Variants in PEX13 observed in about 807,000 individuals in gnomAD.
The protein encoded by PEX13 is peroxisomal biogenesis factor 13, also known as peroxisome biogenesis factor 13.
Under a neutral mutation model 34.5 loss-of-function variants are expected in PEX13, and 28 were observed. The observed-to-expected ratio is 0.81, with a 90% CI of 0.60 to 1.11. PEX13 has a LOEUF of 1.11. Ranked by LOEUF, PEX13 falls within the 50% of genes most tolerant of loss-of-function variation. PEX13 has a pLI of 0.00. For missense variants in PEX13, 550 were observed against 491.0 expected, an observed-to-expected ratio of 1.12 and a Z score of -1.13; for synonymous variants, 177 against 175.1, an observed-to-expected ratio of 1.01 and a Z score of -0.09.
Position 61,017,858 on chromosome 2 carries a change from G to T in PEX13, c.92+7G>T, listed in dbSNP as rs1367010348. 6.5e-6 allele frequency: 10 copies of T among 1,550,214 alleles called. No individual in the cohort carries two copies. The highest frequency in any genetic ancestry group is 7.8e-6 in the Non-Finnish European group (9 of 1,146,648). The stretch of plus-strand genomic sequence containing the variant: ...GACCGGGCCCCACTTTCCAGTGAGT[G>T]TGGGATTCTTCAGGCTGTGAGTTTA... On this transcript the variant is annotated splice_region_variant and intron_variant, in intron 1 of 3. Coordinates refer to ENST00000295030, the MANE Select transcript of PEX13 (RefSeq NM_002618.4).
At chr2:61,029,157 AG>A (rs1680408584) in intron 1 of PEX13, among the ~76,000 whole-genome samples, 1 of 145,104 alleles carries the variant, frequency 6.9e-6, no homozygotes, top group African/African-American at 2.6e-5. Context: ...AAAAAAAAAG[AG>A]GGCGAACTTA....
chr2:61,028,138 C>T (rs1400672760), intron 1 of PEX13, among the ~76,000 whole-genome samples: 1 of 152,142 alleles, frequency 6.6e-6, no homozygotes, highest in Non-Finnish European at 1.5e-5. Context: ...GGGAAAGATA[C>T]ATTTTAATGG....
intron 3 of PEX13, among the ~76,000 whole-genome samples, chr2:61,046,878 A>G (rs1225048329): frequency 6.6e-6 from 1 of 152,170 alleles, no homozygotes; most frequent in Non-Finnish European, 1.5e-5. Context: ...TATGTAAATA[A>G]TTGAAAATTT....
intron 2 of PEX13, among the ~76,000 whole-genome samples, chr2:61,041,109 G>A (rs1680619793): frequency 6.6e-6 from 1 of 152,028 alleles, no homozygotes; most frequent in South Asian, 2.1e-4. Context: ...CTGGCAAATC[G>A]CTTGAGCCCA....
At chr2:61,032,962 C>G (rs904449469) in intron 2 of PEX13, among the ~76,000 whole-genome samples, 38 of 152,102 alleles carry the variant, frequency 2.5e-4, no homozygotes, top group Admixed American at 5.2e-4. Flanking sequence ...AGGTTGAAAG[C>G]TAATAGTAGA....
intron 2 of PEX13, among the ~76,000 whole-genome samples, chr2:61,044,676 A>G (rs1178538925): frequency 6.6e-6 from 1 of 152,206 alleles, no homozygotes; most frequent in Non-Finnish European, 1.5e-5. Context: ...GTGAACCACC[A>G]CGCCTGACCT....
At chr2:61,036,769 A>T (rs1356152564) in intron 2 of PEX13, among the ~76,000 whole-genome samples, 1 of 152,224 alleles carries the variant, frequency 6.6e-6, no homozygotes, top group Non-Finnish European at 1.5e-5. Context: ...GATCAGATTC[A>T]CACATAACAA....
At chr2:61,021,130 T>G (rs1680252368) in intron 1 of PEX13, among the ~76,000 whole-genome samples, 1 of 152,194 alleles carries the variant, frequency 6.6e-6, no homozygotes, top group Non-Finnish European at 1.5e-5. Flanking sequence ...TTTCTGTGTT[T>G]CCAACTGAGG....
At position 61,048,833 on chromosome 2, in the gene PEX13, C is replaced by A. The variant is rs962163892; in HGVS notation, c.*63C>A. 7 of 1,292,680 alleles carry A rather than the reference C, an allele frequency of 5.4e-6. No homozygotes were observed. The African/African-American group carries it at 8.8e-5, about 16-fold the overall frequency. The allele number at this position is 1,292,680 out of a possible 1,614,324, so 80.1% of individuals were successfully genotyped here. A position where few individuals can be genotyped will look rare whatever the true frequency, so the allele number is the denominator to read the frequency against. ...GAGTACTTTTTAAAATTATTTCTCA[C>A]AAAGAAATGAATGTACAATCCAATG... On this transcript the variant is annotated 3_prime_UTR_variant, in exon 4 of 4. Transcript: ENST00000295030.
intron 2 of PEX13, among the ~76,000 whole-genome samples, chr2:61,041,967 G>A (rs982942465): frequency 6.6e-6 from 1 of 152,190 alleles, no homozygotes; most frequent in Non-Finnish European, 1.5e-5. Flanking sequence ...AGATTTTTGA[G>A]GAGAAGCAAA....
rs1215274886 is a variant in PEX13, at chr2:61,051,809, CATTTT to C, written c.*3042_*3046del. On this transcript the variant is annotated 3_prime_UTR_variant, in exon 4 of 4. Transcript: ENST00000295030. The stretch of plus-strand genomic sequence containing the variant: ...AGAACTATACATTTTCATGTTTTAA[CATTTT>C]ATGTACGTACTTGATTCTGTCTGTG... 1 of 152,272 alleles carries C rather than the reference CATTTT, an allele frequency of 6.6e-6. No individual in the cohort carries two copies. The highest frequency in any genetic ancestry group is 1.5e-5 in the Non-Finnish European group (1 of 68,022). 9.4% of individuals were successfully genotyped at this position (152,272 alleles called of 1,614,324 possible).
At position 61,045,847 on chromosome 2, in the gene PEX13, C is replaced by G; in HGVS notation, c.909C>G (p.Leu303=). ...CTGGTGATATGCTGAACTTAGCTCT[C>G]AAAGGTAATAAATTATGAATAAGTT... ...FRAGDMLNLA[L]KEQQPKVRGW... Residue 303 remains leucine (L), a synonymous_variant, in exon 3 of 4, where the codon CTC becomes CTG. Coordinates refer to ENST00000295030, the MANE Select transcript of PEX13 (RefSeq NM_002618.4). The G allele has an allele frequency of 6.2e-7, 1 of 1,611,222 alleles. No homozygotes were observed. Among genetic ancestry groups the G allele is most frequent in the Non-Finnish European group, 8.5e-7 (1 of 1,177,642 alleles).
At position 61,026,462 on chromosome 2, in the gene PEX13, C is replaced by T. The variant is rs1052969370; in HGVS notation, c.93-4957C>T. Among the ~76,000 whole-genome samples, 10 of 151,740 alleles carry T rather than the reference C, an allele frequency of 6.6e-5. 1 individual carries two copies. The highest frequency in any genetic ancestry group is 4.4e-5 in the Non-Finnish European group (3 of 67,946). ...TTCCCAGGTTCAAGCAATTCTCTGC[C>T]TCAGCCACCCGAGGAGCTGAGATTA... On this transcript the variant is annotated intron_variant, in intron 1 of 3. Coordinates refer to ENST00000295030, the MANE Select transcript of PEX13 (RefSeq NM_002618.4).
Position 61,018,063 on chromosome 2 carries a change from A to G in PEX13, c.92+212A>G, listed in dbSNP as rs57007118. The G allele has an allele frequency of 0.012, 18,522 of 1,497,710 alleles. 2,042 individuals carry two copies. The African/African-American group carries it at 0.23, about 19-fold the overall frequency. 92.8% of individuals were successfully genotyped at this position (1,497,710 alleles called of 1,614,324 possible). Reference sequence around the variant, plus strand: ...TCTGACCCGGCAGCTCTAATCAGCAACGTTTTTTTCGGGAGCTCCTGGGCG... The same window carrying G: ...TCTGACCCGGCAGCTCTAATCAGCAGCGTTTTTTTCGGGAGCTCCTGGGCG... On this transcript the variant is annotated intron_variant, in intron 1 of 3. Transcript: ENST00000295030.
At chr2:61,036,726 A>C (rs996910682) in intron 2 of PEX13, among the ~76,000 whole-genome samples, 1 of 152,246 alleles carries the variant, frequency 6.6e-6, no homozygotes, top group African/African-American at 2.4e-5. Context: ...ATTAACGGGC[A>C]AAATAACCAG....
chr2:61,034,930 T>TA (rs1680511558), intron 2 of PEX13, among the ~76,000 whole-genome samples: 2 of 152,314 alleles, frequency 1.3e-5, no homozygotes, highest in Admixed American at 1.3e-4. Flanking sequence ...TCTGCAAACT[T>TA]AAACGTCCCT....
chr2:61,047,844 T>C (rs1680727734), intron 3 of PEX13, among the ~76,000 whole-genome samples: 1 of 152,214 alleles, frequency 6.6e-6, no homozygotes, highest in Admixed American at 6.5e-5. Flanking sequence ...TTTAAAGATA[T>C]AGATAAAATA....
chr2:61,025,193 C>G (rs1351690684), intron 1 of PEX13, among the ~76,000 whole-genome samples: 3 of 149,524 alleles, frequency 2.0e-5, no homozygotes, highest in Admixed American at 6.7e-5. Flanking sequence ...CTGAGCCTCC[C>G]CCGTAGCTGG....
intron 1 of PEX13, among the ~76,000 whole-genome samples, chr2:61,024,846 T>C (rs1300972552): frequency 6.6e-6 from 1 of 152,100 alleles, no homozygotes; most frequent in African/African-American, 2.4e-5. Flanking sequence ...GTCATTGAGT[T>C]CATAATTTCA....
Sources: allele counts gnomAD v4.1 joint callset (sites outside exome capture counted in the v4.1 genomes callset), GRCh38; gene constraint gnomAD v4.1.1; transcripts MANE v1.5; gene names NCBI Gene and HGNC (gene_info 2026-07-23, HGNC 2026-07-21).